The following CCDC148 variants were observed in gnomAD, a reference collection of about 807,000 sequenced individuals.
The protein encoded by CCDC148 is coiled-coil domain-containing protein 148.
A neutral mutation model predicts 85.7 loss-of-function variants in CCDC148; 89 were observed. The observed-to-expected ratio is 1.04, with a 90% CI of 0.87 to 1.24. The LOEUF (loss-of-function observed/expected upper bound fraction) is 1.24. Ranked by LOEUF, CCDC148 falls within the 50% of genes most tolerant of loss-of-function variation. The pLI, the probability that CCDC148 is intolerant of heterozygous loss-of-function variation, is 0.00. For missense variants in CCDC148, 692 were observed against 671.7 expected (o/e 1.03, Z -0.33); for synonymous variants, 230 against 213.9 (o/e 1.08, Z -0.66).
At chr2:158,279,701 T>G (rs1690167288) in intron 9 of CCDC148, among the ~76,000 whole-genome samples, 1 of 152,202 alleles carries the variant, frequency 6.6e-6, no homozygotes, top group Non-Finnish European at 1.5e-5. Context: ...AAAAACACTC[T>G]GCAGGATATT....
chr2:158,255,837 A>T (rs901061047), intron 9 of CCDC148, among the ~76,000 whole-genome samples: 3 of 151,708 alleles, frequency 2.0e-5, no homozygotes, highest in Admixed American at 6.6e-5. Context: ...ACTACAGGGC[A>T]TTTTTCCAGG....
intron 9 of CCDC148, among the ~76,000 whole-genome samples, chr2:158,276,406 C>A (rs577969161): frequency 1.3e-5 from 2 of 152,170 alleles, no homozygotes; most frequent in South Asian, 2.1e-4. Flanking sequence ...TGCACTCCAG[C>A]CTGGGAGACA....
chr2:158,254,310 G>A (rs939830135), intron 9 of CCDC148, among the ~76,000 whole-genome samples: 1 of 151,534 alleles, frequency 6.6e-6, no homozygotes, highest in African/African-American at 2.4e-5. Flanking sequence ...TAATAGTATG[G>A]TTATGTTCTA....
chr2:158,383,248 T>C (rs757407703), intron 1 of CCDC148, among the ~76,000 whole-genome samples: 7 of 151,640 alleles, frequency 4.6e-5, no homozygotes, highest in Non-Finnish European at 8.8e-5. Flanking sequence ...ACCTGGGAGG[T>C]GGAGGTTGTG....
chr2:158,368,337 A>G (rs1684287922), intron 1 of CCDC148, among the ~76,000 whole-genome samples: 1 of 152,140 alleles, frequency 6.6e-6, no homozygotes. Flanking sequence ...GATTTATGAA[A>G]CTGTATTAAA....
chr2:158,378,370 T>G (rs1231819216), intron 1 of CCDC148, among the ~76,000 whole-genome samples: 2 of 152,104 alleles, frequency 1.3e-5, no homozygotes, highest in East Asian at 3.9e-4. Context: ...CTGGCAGAAG[T>G]TGGCTCATAA....
intron 2 of CCDC148, among the ~76,000 whole-genome samples, chr2:158,349,649 A>C (rs1399851643): frequency 6.6e-6 from 1 of 152,102 alleles, no homozygotes; most frequent in African/African-American, 2.4e-5. Context: ...ACAAGAATAA[A>C]TTAAAAGCAA....
At chr2:158,455,234 G>A (rs1206512795) in intron 1 of CCDC148, among the ~76,000 whole-genome samples, 3 of 152,024 alleles carry the variant, frequency 2.0e-5, no homozygotes, top group Non-Finnish European at 1.5e-5. Context: ...TTCCATGATG[G>A]CCAGCCATGG....
chr2:158,278,041 GT>G (rs1376593597), intron 9 of CCDC148, among the ~76,000 whole-genome samples: 1 of 152,098 alleles, frequency 6.6e-6, no homozygotes, highest in African/African-American at 2.4e-5. Context: ...TCATTAGAGT[GT>G]CCCCTTCTAA....
rs150102891 is a variant in CCDC148, at chr2:158,267,575, T to C, written c.1111-16663A>G. The stretch of plus-strand genomic sequence containing the variant: ...TCATAACCTATTAGCAGACATATAA[T>C]AGTATTAGAACTAAACAGGAGATAA... On this transcript the variant is annotated intron_variant, in intron 9 of 13. Transcript: ENST00000283233. 6.6e-5 allele frequency among the ~76,000 whole-genome samples: 10 copies of C among 152,326 alleles called. No individual in the cohort carries two copies. The East Asian group carries it at 1.9e-3, about 29-fold the overall frequency.
chr2:158,194,104 T>A (rs1308493716), intron 11 of CCDC148, among the ~76,000 whole-genome samples: 1 of 152,122 alleles, frequency 6.6e-6, no homozygotes, highest in African/African-American at 2.4e-5. Context: ...AAGTTATTAC[T>A]CAACTAACAT....
chr2:158,204,399 T>C (rs1283611755), intron 11 of CCDC148, among the ~76,000 whole-genome samples: 1 of 152,164 alleles, frequency 6.6e-6, no homozygotes, highest in African/African-American at 2.4e-5. Flanking sequence ...AATAACACTA[T>C]GTGATTTCCA....
At chr2:158,392,350 CTAA>C (rs1209150791) in intron 1 of CCDC148, among the ~76,000 whole-genome samples, 1 of 152,090 alleles carries the variant, frequency 6.6e-6, no homozygotes, top group Non-Finnish European at 1.5e-5. Context: ...CATATGCCTA[CTAA>C]TGCACTTTTC....
Position 158,228,729 on chromosome 2 carries a change from G to A in CCDC148, c.1252-8016C>T, listed in dbSNP as rs563348835. On this transcript the variant is annotated intron_variant, in intron 10 of 13. Transcript: ENST00000283233. ...AAGGACAAAAAACCAAACACCACAT[G>A]TTCTCACTCATAGGTGGGAATTGAA... is the stretch of plus-strand genomic sequence containing the variant. Among the ~76,000 whole-genome samples the A allele has an allele frequency of 6.4e-3, 925 of 145,182 alleles. 10 individuals are homozygous for A. Among genetic ancestry groups the A allele is most frequent in the African/African-American group, 0.022 (876 of 39,610 alleles).
chr2:158,358,424 AAC>A, intron 2 of CCDC148, 23 bp downstream of exon 2: 1 of 1,585,732 alleles, frequency 6.3e-7, no homozygotes, highest in Non-Finnish European at 8.5e-7. Context: ...AAACTAGAAA[AAC>A]ACATACACAC....
intron 10 of CCDC148, among the ~76,000 whole-genome samples, chr2:158,230,494 G>A (rs866001864): frequency 6.6e-6 from 1 of 152,306 alleles, no homozygotes; most frequent in African/African-American, 2.4e-5. Context: ...CATATGTTGA[G>A]AACTGGGAAT....
chr2:158,353,429 A>G (rs1484137444), intron 2 of CCDC148, among the ~76,000 whole-genome samples: 1 of 150,606 alleles, frequency 6.6e-6, no homozygotes, highest in Admixed American at 6.6e-5. Flanking sequence ...TTGCAATACT[A>G]GTCTCTGATA....
intron 9 of CCDC148, among the ~76,000 whole-genome samples, chr2:158,299,608 C>G (rs770775757): frequency 6.6e-6 from 1 of 152,192 alleles, no homozygotes; most frequent in African/African-American, 2.4e-5. Context: ...TTATCCAATG[C>G]CTGCAAACAT....
At chr2:158,319,872 G>A (rs1322742203) in intron 7 of CCDC148, among the ~76,000 whole-genome samples, 1 of 152,032 alleles carries the variant, frequency 6.6e-6, no homozygotes, top group Non-Finnish European at 1.5e-5. Flanking sequence ...AACACCAAGG[G>A]CCATTTTTAA....
Sources: gnomAD v4.1 joint callset for allele counts (sites outside exome capture counted in the v4.1 genomes callset) on GRCh38, gnomAD v4.1.1 for gene constraint, MANE v1.5 for transcripts, NCBI Gene and HGNC (gene_info 2026-07-23, HGNC 2026-07-21) for gene names.